Variants in DNM3 observed in about 807,000 individuals in gnomAD.
DNM3 encodes dynamin 3.
In DNM3, 47 loss-of-function variants were observed where a neutral mutation model predicts 101.6. That is an observed-to-expected ratio of 0.46 (90% CI 0.37 to 0.59). DNM3 has a LOEUF of 0.59. DNM3 is among the 20% of genes least tolerant of loss of function. DNM3 has a pLI of 0.00. For synonymous variants in DNM3, 385 were observed against 387.9 expected (o/e 0.99, Z 0.09); for missense variants, 849 against 1,085.7 (o/e 0.78, Z 3.06).
At chr1:172,065,515 C>G (rs2051581047) in intron 10 of DNM3, among the ~76,000 whole-genome samples, 2 of 152,072 alleles carry the variant, frequency 1.3e-5, no homozygotes, top group African/African-American at 4.8e-5. Flanking sequence ...CTTTTATAAG[C>G]CTCACAAAAA....
chr1:172,011,787 T>A (rs2047144840), intron 4 of DNM3, among the ~76,000 whole-genome samples: 1 of 152,028 alleles, frequency 6.6e-6, no homozygotes, highest in South Asian at 2.1e-4. Context: ...ATCCAAATTT[T>A]TAGATGTTCT....
chr1:172,244,712 C>T (rs888833718), intron 14 of DNM3, among the ~76,000 whole-genome samples: 13 of 152,056 alleles, frequency 8.5e-5, no homozygotes, highest in Non-Finnish European at 1.6e-4. Flanking sequence ...ACAACAGGTG[C>T]TGGAGAGGAT....
At chr1:172,147,326 C>T (rs923257316) in intron 14 of DNM3, among the ~76,000 whole-genome samples, 3 of 152,092 alleles carry the variant, frequency 2.0e-5, no homozygotes, top group Non-Finnish European at 2.9e-5. Flanking sequence ...ACTTTTCTTA[C>T]GTCTGTAAAG....
At position 172,203,744 on chromosome 1, in the gene DNM3, G is replaced by A. The variant is rs961053467; in HGVS notation, c.1660-49829G>A. Among the ~76,000 whole-genome samples the A allele has an allele frequency of 2.6e-5, 4 of 152,260 alleles. No homozygotes were observed. The East Asian group carries it at 7.7e-4, about 29-fold the overall frequency. On this transcript the variant is annotated intron_variant, in intron 14 of 20. Transcript: ENST00000627582. ...CTTGTTTTCTTCTTATTATTAAATA[G>A]TGTGTTCTATATGGGTTGGTACCAG...
intron 1 of DNM3, among the ~76,000 whole-genome samples, chr1:171,882,430 TACACACACAC>T (rs34753464): frequency 4.8e-5 from 7 of 145,426 alleles, no homozygotes; most frequent in South Asian, 2.2e-4. Flanking sequence ...TCTCTCTCTA[TACACACACAC>T]ACACACACAC....
At chr1:171,915,814 G>A (rs2125298450) in intron 1 of DNM3, among the ~76,000 whole-genome samples, 1 of 152,294 alleles carries the variant, frequency 6.6e-6, no homozygotes. Flanking sequence ...GTGATTTTGA[G>A]TTCTAGTGTT....
chr1:172,240,207 A>G (rs1573087828), intron 14 of DNM3, among the ~76,000 whole-genome samples: 1 of 152,146 alleles, frequency 6.6e-6, no homozygotes, highest in South Asian at 2.1e-4. Flanking sequence ...ACCAAAACCT[A>G]CAACAGTTCA....
At chr1:171,980,692 T>C (rs957838892) in intron 2 of DNM3, among the ~76,000 whole-genome samples, 3 of 151,916 alleles carry the variant, frequency 2.0e-5, no homozygotes, top group African/African-American at 7.3e-5. Flanking sequence ...CATATGTGAG[T>C]AAGAACATGG....
chr1:171,904,173 G>A lies in DNM3; in HGVS notation c.162-17575G>A, dbSNP rs544680168. Among the ~76,000 whole-genome samples, 11 of 150,234 alleles carry A rather than the reference G, an allele frequency of 7.3e-5. No homozygotes were observed. In the South Asian group the frequency reaches 1.1e-3, roughly 14 times the overall value. On this transcript the variant is annotated intron_variant, in intron 1 of 20. Coordinates refer to ENST00000627582, the MANE Select transcript of DNM3 (RefSeq NM_015569.5). ...AAATAGAAAAAAAAAAAAAGCCAGC[G>A]TGGTGTCACGCACCTGTAGTCCCAG... is the stretch of plus-strand genomic sequence containing the variant.
chr1:171,900,163 A>G (rs1037727786), intron 1 of DNM3, among the ~76,000 whole-genome samples: 1 of 152,232 alleles, frequency 6.6e-6, no homozygotes, highest in Non-Finnish European at 1.5e-5. Context: ...TTCGCACTGT[A>G]TGTTTTCATT....
intron 2 of DNM3, among the ~76,000 whole-genome samples, chr1:171,977,886 G>A (rs1558361305): frequency 1.3e-5 from 2 of 152,082 alleles, no homozygotes; most frequent in Non-Finnish European, 2.9e-5. Flanking sequence ...ACTCTCACAT[G>A]TATAGTTCCT....
intron 11 of DNM3, among the ~76,000 whole-genome samples, chr1:172,072,613 C>T (rs2125950854): frequency 6.6e-6 from 1 of 152,296 alleles, no homozygotes; most frequent in Admixed American, 6.5e-5. Context: ...CTTGGCCAGG[C>T]ACGGTGGCTC....
At chr1:172,374,831 T>C (rs913619700) in intron 17 of DNM3, among the ~76,000 whole-genome samples, 5 of 152,120 alleles carry the variant, frequency 3.3e-5, no homozygotes, top group African/African-American at 1.2e-4. Context: ...GATTTTGCTT[T>C]ACAATATCTG....
rs111498168 is a variant in DNM3, at chr1:172,068,518, T to G, written c.1336-301T>G. Among the ~76,000 whole-genome samples, 980 of 152,244 alleles carry G rather than the reference T, an allele frequency of 6.4e-3. 10 individuals carry two copies. Among genetic ancestry groups the G allele is most frequent in the African/African-American group, 0.022 (931 of 41,544 alleles). ...TTTCCGACTTCTTCATCTTTGAATT[T>G]TATTAAGTGCCAACTCAGCAGGAGC... On this transcript the variant is annotated intron_variant, in intron 10 of 20. Coordinates refer to ENST00000627582, the MANE Select transcript of DNM3 (RefSeq NM_015569.5).
intron 12 of DNM3, among the ~76,000 whole-genome samples, chr1:172,091,693 T>C (rs1383500110): frequency 1.3e-5 from 2 of 152,186 alleles, no homozygotes; most frequent in African/African-American, 4.8e-5. Context: ...TAGACCCTTG[T>C]ATGGACTTTG....
At chr1:172,168,841 G>C (rs141485385) in intron 14 of DNM3, among the ~76,000 whole-genome samples, 303 of 151,996 alleles carry the variant, frequency 2.0e-3, no homozygotes, top group African/African-American at 7.1e-3. Flanking sequence ...AGATTATCAA[G>C]CTGCACCAAA....
chr1:172,086,625 G>A (rs78749345), intron 12 of DNM3, among the ~76,000 whole-genome samples: 2,846 of 152,144 alleles, frequency 0.019, 89 homozygotes, highest in East Asian at 0.14. Flanking sequence ...GCATTGGACG[G>A]CAGAGCCCTA....
At chr1:172,404,322 T>C (rs1258122481) in intron 20 of DNM3, among the ~76,000 whole-genome samples, 1 of 149,676 alleles carries the variant, frequency 6.7e-6, no homozygotes, top group Non-Finnish European at 1.5e-5. Context: ...TCATAATGAA[T>C]AAGTTATCCT....
chr1:171,893,567 C>T (rs2037489953), intron 1 of DNM3, among the ~76,000 whole-genome samples: 1 of 151,924 alleles, frequency 6.6e-6, no homozygotes, highest in Non-Finnish European at 1.5e-5. Flanking sequence ...AATCCTTCCA[C>T]CTCAGCCTCC....
Sources: gnomAD v4.1 joint callset for allele counts (sites outside exome capture counted in the v4.1 genomes callset) on GRCh38, gnomAD v4.1.1 for gene constraint, MANE v1.5 for transcripts, NCBI Gene and HGNC (gene_info 2026-07-23, HGNC 2026-07-21) for gene names.